The following DDHD1 variants were observed in gnomAD, a reference collection of about 807,000 sequenced individuals.
DDHD1 encodes the protein phospholipase DDHD1.
A neutral mutation model predicts 96.4 loss-of-function variants in DDHD1; 49 were observed. The ratio of observed to expected loss-of-function variants is 0.51; its 90% CI spans 0.40 to 0.64. DDHD1 has a LOEUF of 0.64. Ranked by LOEUF, DDHD1 falls within the 30% of genes least tolerant of loss-of-function variation. The pLI is 0.00. For missense variants in DDHD1, 1,106 were observed against 1,161.2 expected (o/e 0.95, Z 0.69); for synonymous variants, 442 against 446.5 (o/e 0.99, Z 0.13).
intron 2 of DDHD1, among the ~76,000 whole-genome samples, chr14:53,094,063 G>A (rs918333121): frequency 2.0e-5 from 3 of 152,098 alleles, no homozygotes; most frequent in African/African-American, 7.2e-5. Context: ...TGTAGTCCCA[G>A]CTACTCAGGA....
At chr14:53,066,198 C>G (rs979688715) in intron 6 of DDHD1, among the ~76,000 whole-genome samples, 1 of 152,146 alleles carries the variant, frequency 6.6e-6, no homozygotes, top group African/African-American at 2.4e-5. Flanking sequence ...GTTGCCCAGG[C>G]TGGAGTGTGG....
In DDHD1 at chr14:53,063,013, A is replaced by G. The variant is rs1595105109; in HGVS notation, c.1696T>C (p.Leu566=). ...TAGCTCATCCATCGTTCATCAGGCA[A>G]CTCTTCTTCCTTTTGCAGCAACTGT... ...YEQLLQKEEE[L]PDERWMSYEE... is the part of the protein sequence containing the mutation. Residue 566 remains leucine, a synonymous_variant, in exon 7 of 13, where the codon TTG becomes CTG. Coordinates refer to ENST00000673822, the MANE Select transcript of DDHD1 (RefSeq NM_001160148.2). 1 of 1,613,838 alleles carries G rather than the reference A, an allele frequency of 6.2e-7. No homozygotes were observed. Among genetic ancestry groups the G allele is most frequent in the Non-Finnish European group, 8.5e-7 (1 of 1,179,970 alleles).
chr14:53,061,429 C>T (rs1883545297), intron 7 of DDHD1: 1 of 390,684 alleles, frequency 2.6e-6, no homozygotes, highest in Admixed American at 4.3e-5. Context: ...CTGCTGTTAA[C>T]AGCTTTTTTG....
intron 4 of DDHD1, among the ~76,000 whole-genome samples, chr14:53,089,931 C>A (rs1275193041): frequency 6.6e-6 from 1 of 152,168 alleles, no homozygotes; most frequent in Non-Finnish European, 1.5e-5. Flanking sequence ...TCAGAGTGAA[C>A]AGGCAACCTA....
rs1219844193 is a variant in DDHD1, at chr14:53,063,016, C to T, written c.1693G>A (p.Glu565Lys). The T allele has an allele frequency of 6.2e-7, 1 of 1,614,068 alleles. No individual in the cohort carries two copies. The highest frequency in any genetic ancestry group is 8.5e-7 in the Non-Finnish European group (1 of 1,179,972). ...CTCATCCATCGTTCATCAGGCAACT[C>T]TTCTTCCTTTTGCAGCAACTGTTCA... The part of the protein sequence containing the change: ...LYEQLLQKEE[E>K]LPDERWMSYE... Residue 565 changes from glutamate (E) to lysine (K), a missense_variant, in exon 7 of 13, where the codon GAG becomes AAG. Glu to Lys is a moderately conservative substitution (Grantham distance 56, BLOSUM62 1). Transcript: ENST00000673822.
At chr14:53,052,149 T>C (rs1305190220) in intron 11 of DDHD1, among the ~76,000 whole-genome samples, 1 of 152,074 alleles carries the variant, frequency 6.6e-6, no homozygotes, top group Non-Finnish European at 1.5e-5. Flanking sequence ...AACACCCAGA[T>C]AGTCCCCAAA....
intron 8 of DDHD1, 90 bp from the exon 9 acceptor site, chr14:53,058,716 CA>C: frequency 1.8e-6 from 2 of 1,125,218 alleles, no homozygotes; most frequent in Non-Finnish European, 2.5e-6. Context: ...TGGCAAAATA[CA>C]AATAATAAAA....
intron 4 of DDHD1, among the ~76,000 whole-genome samples, chr14:53,088,093 A>T (rs1291813230): frequency 6.6e-6 from 1 of 152,214 alleles, no homozygotes; most frequent in Non-Finnish European, 1.5e-5. Flanking sequence ...CTGGACACAT[A>T]CACCTTTCCC....
chr14:53,134,642 GTGT>G (rs1228139723), intron 1 of DDHD1, among the ~76,000 whole-genome samples: 1 of 149,576 alleles, frequency 6.7e-6, no homozygotes, highest in African/African-American at 2.5e-5. Context: ...TAAATGAAGA[GTGT>G]TGTTTTTACC....
intron 6 of DDHD1, among the ~76,000 whole-genome samples, chr14:53,071,075 CAT>C (rs1158473305): frequency 1.3e-5 from 2 of 152,092 alleles, no homozygotes; most frequent in Non-Finnish European, 2.9e-5. Flanking sequence ...CCATGTGCCA[CAT>C]GTTAATATAA....
intron 1 of DDHD1, among the ~76,000 whole-genome samples, chr14:53,134,798 T>C (rs569970886): frequency 2.4e-4 from 37 of 152,334 alleles, no homozygotes; most frequent in African/African-American, 8.7e-4. Flanking sequence ...AGTCCTTTAA[T>C]ACCTGTTTTC....
rs1881300106 is a variant in DDHD1, at chr14:53,036,879, C to G, written c.*9889G>C. On this transcript the variant is annotated 3_prime_UTR_variant, in exon 13 of 13. Coordinates refer to ENST00000673822, the MANE Select transcript of DDHD1 (RefSeq NM_001160148.2). Reference sequence around the variant, plus strand: ...GGTTTGAGGTACAGATCCCATCACCCAGGTAGTGAGCATAGTACCCAATAG... The same window carrying G: ...GGTTTGAGGTACAGATCCCATCACCGAGGTAGTGAGCATAGTACCCAATAG... 6.6e-6 allele frequency: 1 copy of G among 152,086 alleles called. No homozygotes were observed. Among genetic ancestry groups the G allele is most frequent in the African/African-American group, 2.4e-5 (1 of 41,388 alleles). 9.4% of individuals were successfully genotyped at this position (152,086 alleles called of 1,614,324 possible). A position where few individuals can be genotyped will look rare whatever the true frequency, so the allele number is the denominator to read the frequency against.
intron 4 of DDHD1, among the ~76,000 whole-genome samples, chr14:53,076,567 G>A (rs1884977542): frequency 6.6e-6 from 1 of 152,186 alleles, no homozygotes; most frequent in Non-Finnish European, 1.5e-5. Context: ...CAGTGGCAGG[G>A]TTTGACAGGA....
chr14:53,094,409 T>C (rs923956630), intron 2 of DDHD1, among the ~76,000 whole-genome samples: 19 of 152,172 alleles, frequency 1.2e-4, no homozygotes, highest in African/African-American at 4.6e-4. Flanking sequence ...GATGTTCAAA[T>C]CAGTATGGTT....
intron 4 of DDHD1, among the ~76,000 whole-genome samples, chr14:53,087,107 T>G (rs1234436764): frequency 6.6e-6 from 1 of 151,322 alleles, no homozygotes; most frequent in East Asian, 1.9e-4. Flanking sequence ...CAAGAAGAGC[T>G]AACTATCCTA....
intron 1 of DDHD1, among the ~76,000 whole-genome samples, chr14:53,119,468 T>C (rs1236868759): frequency 1.3e-5 from 2 of 152,170 alleles, no homozygotes; most frequent in Non-Finnish European, 2.9e-5. Flanking sequence ...GCCAGCCTCA[T>C]CCTGAAACCA....
chr14:53,093,026 G>A (rs191740990), intron 3 of DDHD1: 2 of 193,002 alleles, frequency 1.0e-5, no homozygotes, highest in Non-Finnish European at 2.1e-5. Context: ...CATCTTCCTT[G>A]ACACTATATT....
chr14:53,077,305 G>A (rs1885055430), intron 4 of DDHD1, among the ~76,000 whole-genome samples: 1 of 151,916 alleles, frequency 6.6e-6, no homozygotes, highest in African/African-American at 2.4e-5. Flanking sequence ...GTGGCAAAAG[G>A]GCCTTTTAAA....
intron 6 of DDHD1, among the ~76,000 whole-genome samples, chr14:53,069,384 T>C (rs1157617738): frequency 6.6e-6 from 1 of 152,184 alleles, no homozygotes; most frequent in Non-Finnish European, 1.5e-5. Context: ...CATTTACAAA[T>C]TGAAGGTTTG....
Sources: allele counts gnomAD v4.1 joint callset (sites outside exome capture counted in the v4.1 genomes callset), GRCh38; gene constraint gnomAD v4.1.1; transcripts MANE v1.5; gene names NCBI Gene and HGNC (gene_info 2026-07-23, HGNC 2026-07-21).